Variants in SLC25A21 observed in about 807,000 individuals in gnomAD.
SLC25A21 encodes solute carrier family 25 member 21, also known as mitochondrial 2-oxodicarboxylate carrier.
A neutral mutation model predicts 43.8 loss-of-function variants in SLC25A21; 47 were observed. The observed-to-expected ratio is 1.07, with a 90% CI of 0.85 to 1.37. The LOEUF is 1.37. Among genes scored for constraint, SLC25A21 ranks in the 40% most tolerant of loss-of-function variants. The pLI is 0.00. For missense variants in SLC25A21, 352 were observed against 350.2 expected (o/e 1.00, Z -0.04); for synonymous variants, 131 against 121.3 (o/e 1.08, Z -0.52).
At chr14:36,757,479 A>G (rs1450814344) in intron 3 of SLC25A21, among the ~76,000 whole-genome samples, 1 of 152,226 alleles carries the variant, frequency 6.6e-6, no homozygotes, top group Non-Finnish European at 1.5e-5. Context: ...AAAAATCTAT[A>G]TATCAAATAT....
At chr14:36,800,001 C>T (rs1170511309) in intron 3 of SLC25A21, among the ~76,000 whole-genome samples, 2 of 152,232 alleles carry the variant, frequency 1.3e-5, no homozygotes, top group African/African-American at 4.8e-5. Context: ...GAAAGTCATA[C>T]TTTTAATGGC....
intron 1 of SLC25A21, among the ~76,000 whole-genome samples, chr14:36,900,920 T>G (rs1891381501): frequency 1.3e-5 from 2 of 152,196 alleles, no homozygotes. Flanking sequence ...GGCTGCATGT[T>G]ACAATCCACA....
At chr14:37,055,413 C>T (rs1244370171) in intron 1 of SLC25A21, among the ~76,000 whole-genome samples, 2 of 152,184 alleles carry the variant, frequency 1.3e-5, no homozygotes, top group African/African-American at 2.4e-5. Flanking sequence ...CACTGCTCCA[C>T]TCATGGAAAG....
At chr14:36,959,217 T>C (rs901988877) in intron 1 of SLC25A21, among the ~76,000 whole-genome samples, 1 of 152,182 alleles carries the variant, frequency 6.6e-6, no homozygotes, top group African/African-American at 2.4e-5. Context: ...CCCACAGCTC[T>C]CCTTCCTTCA....
At position 36,851,521 on chromosome 14, in the gene SLC25A21, G is replaced by A. The variant is rs187060812; in HGVS notation, c.119+23435C>T. Among the ~76,000 whole-genome samples the A allele has an allele frequency of 4.9e-4, 75 of 152,274 alleles. No individual in the cohort carries two copies. The East Asian group carries it at 0.013, about 25-fold the overall frequency. On this transcript the variant is annotated intron_variant, in intron 2 of 9. Coordinates refer to ENST00000331299, the MANE Select transcript of SLC25A21 (RefSeq NM_030631.4). ...ACACCTGTTAGCTTGGGATAAGGCA[G>A]ACTATTTTTATGAATAACATAATAT...
intron 3 of SLC25A21, among the ~76,000 whole-genome samples, chr14:36,810,235 C>T (rs778708807): frequency 6.6e-6 from 1 of 152,120 alleles, no homozygotes; most frequent in African/African-American, 2.4e-5. Flanking sequence ...AAGGCCAATT[C>T]CACTATGTAA....
intron 1 of SLC25A21, among the ~76,000 whole-genome samples, chr14:36,936,567 T>A (rs1204067384): frequency 6.6e-6 from 1 of 152,178 alleles, no homozygotes; most frequent in Non-Finnish European, 1.5e-5. Flanking sequence ...CCTCTCAGAA[T>A]AAATGGAAAT....
intron 1 of SLC25A21, among the ~76,000 whole-genome samples, chr14:37,142,500 G>A (rs527496706): frequency 1.1e-4 from 17 of 152,236 alleles, no homozygotes; most frequent in Non-Finnish European, 1.6e-4. Context: ...AGCTGGGACC[G>A]CAGACAGGTG....
At chr14:37,021,154 A>C (rs1960977140) in intron 1 of SLC25A21, among the ~76,000 whole-genome samples, 1 of 151,970 alleles carries the variant, frequency 6.6e-6, no homozygotes, top group African/African-American at 2.4e-5. Context: ...ATAGTGGGCA[A>C]AGGACCGATT....
intron 1 of SLC25A21, among the ~76,000 whole-genome samples, chr14:36,966,234 T>G (rs1959612598): frequency 6.6e-6 from 1 of 152,086 alleles, no homozygotes; most frequent in African/African-American, 2.4e-5. Context: ...CCCAAAGAAG[T>G]AGTCCAAGAA....
chr14:36,904,750 C>T (rs576682619), intron 1 of SLC25A21, among the ~76,000 whole-genome samples: 1 of 152,252 alleles, frequency 6.6e-6, no homozygotes, highest in South Asian at 2.1e-4. Flanking sequence ...CATCAGATCT[C>T]TTGGGAACTC....
intron 1 of SLC25A21, among the ~76,000 whole-genome samples, chr14:36,896,966 T>G (rs1388801887): frequency 6.6e-6 from 1 of 152,206 alleles, no homozygotes; most frequent in East Asian, 1.9e-4. Flanking sequence ...CTGGCTGCCC[T>G]TAACATTTTT....
At chr14:36,981,975 G>A (rs1960036187) in intron 1 of SLC25A21, among the ~76,000 whole-genome samples, 1 of 152,150 alleles carries the variant, frequency 6.6e-6, no homozygotes, top group African/African-American at 2.4e-5. Context: ...TTGTTTTGGT[G>A]TCATGCACAC....
intron 2 of SLC25A21, among the ~76,000 whole-genome samples, chr14:36,867,448 G>T (rs748873099): frequency 2.6e-5 from 4 of 152,038 alleles, no homozygotes; most frequent in South Asian, 4.2e-4. Flanking sequence ...CCTCCTGAAG[G>T]CCAGGCATGG....
At chr14:37,168,265 C>T (rs1303307587) in intron 1 of SLC25A21, among the ~76,000 whole-genome samples, 1 of 152,062 alleles carries the variant, frequency 6.6e-6, no homozygotes, top group Admixed American at 6.5e-5. Context: ...CTCTGACTCT[C>T]TCATTATTGG....
chr14:36,921,007 C>G (rs924667402), intron 1 of SLC25A21, among the ~76,000 whole-genome samples: 4 of 152,136 alleles, frequency 2.6e-5, no homozygotes, highest in Non-Finnish European at 5.9e-5. Context: ...ACACTGATAA[C>G]TATTGATTCA....
intron 3 of SLC25A21, among the ~76,000 whole-genome samples, chr14:36,784,930 G>T (rs750851744): frequency 5.9e-5 from 9 of 152,190 alleles, no homozygotes; most frequent in Non-Finnish European, 1.0e-4. Flanking sequence ...GCAAAGAATT[G>T]CAACATTAGA....
intron 1 of SLC25A21, among the ~76,000 whole-genome samples, chr14:36,946,344 T>C (rs2138655857): frequency 6.6e-6 from 1 of 152,322 alleles, no homozygotes; most frequent in East Asian, 1.9e-4. Flanking sequence ...TAGTATCCAG[T>C]AGCCATCATT....
chr14:36,978,169 T>C (rs1293560783), intron 1 of SLC25A21, among the ~76,000 whole-genome samples: 1 of 152,154 alleles, frequency 6.6e-6, no homozygotes, highest in Non-Finnish European at 1.5e-5. Flanking sequence ...GTGGCAGAAC[T>C]GCTACAATAA....
Sources: gnomAD v4.1 joint callset for allele counts (sites outside exome capture counted in the v4.1 genomes callset) on GRCh38, gnomAD v4.1.1 for gene constraint, MANE v1.5 for transcripts, NCBI Gene and HGNC (gene_info 2026-07-23, HGNC 2026-07-21) for gene names.